ZRANB1: variants seen among roughly 807,000 people sequenced by gnomAD.
ZRANB1 encodes the protein ubiquitin thioesterase ZRANB1.
ZRANB1 carries 16 observed loss-of-function variants against 80.5 expected under a neutral mutation model. The ratio of observed to expected loss-of-function variants is 0.20; its 90% confidence interval spans 0.13 to 0.30. The LOEUF is 0.30. Among genes scored for constraint, ZRANB1 ranks in the 10% least tolerant of loss-of-function variants. The pLI is 1.00. For missense variants in ZRANB1, 576 were observed against 862.6 expected, an observed-to-expected ratio of 0.67 and a Z score of 4.16; for synonymous variants, 291 against 293.1, an observed-to-expected ratio of 0.99 and a Z score of 0.07.
rs773324540 is a variant in ZRANB1, at chr10:124,986,281, G to GCACACACACACACACACACA, written c.*1290_*1291insACACACACACACACACACAC. The GCACACACACACACACACACA allele has an allele frequency of 1.1e-4, 11 of 102,842 alleles. No individual in the cohort carries two copies. Among genetic ancestry groups the GCACACACACACACACACACA allele is most frequent in the East Asian group, 6.4e-4 (2 of 3,118 alleles). 6.4% of individuals were successfully genotyped at this position (102,842 alleles called of 1,614,324 possible). On this transcript the variant is annotated 3_prime_UTR_variant, in exon 9 of 9. Coordinates refer to ENST00000359653, the MANE Select transcript of ZRANB1 (RefSeq NM_017580.3). ...GAATTTGGAAAGACGACACACGCAC[G>GCACACACACACACACACACA]CGCGCGCGCGCACACACACACACAC...
At chr10:124,947,049 AGTT>A (rs1951591649) in intron 1 of ZRANB1, among the ~76,000 whole-genome samples, 2 of 152,236 alleles carry the variant, frequency 1.3e-5, no homozygotes, top group Non-Finnish European at 2.9e-5. Flanking sequence ...AGGAAGATTC[AGTT>A]GTTGAGAGGG....
chr10:124,922,337 T>TATATATATA, the ZRANB1 span, among the ~76,000 whole-genome samples: 17 of 34,776 alleles, frequency 4.9e-4, no homozygotes, highest in African/African-American at 9.9e-4. Context: ...TATATATATA[T>TATATATATA]TTTTTTTTTA....
intron 4 of ZRANB1, 46 bp downstream of exon 4, chr10:124,973,762 G>A (rs1951848450): frequency 1.3e-6 from 2 of 1,563,414 alleles, no homozygotes; most frequent in Non-Finnish European, 1.7e-6. Flanking sequence ...ATCTGATCAA[G>A]TAAGTTTTGT....
chr10:124,958,239 G>A (rs1181731328), intron 1 of ZRANB1, among the ~76,000 whole-genome samples: 1 of 152,158 alleles, frequency 6.6e-6, no homozygotes, highest in African/African-American at 2.4e-5. Context: ...GCAACGTAGC[G>A]GGACCTCTTC....
rs538304647 is a variant in ZRANB1 at position 124,987,483 on chromosome 10, A to ACTT, written c.*2496_*2498dup. On this transcript the variant is annotated 3_prime_UTR_variant, in exon 9 of 9. Coordinates refer to ENST00000359653, the MANE Select transcript of ZRANB1 (RefSeq NM_017580.3). ...GACTCTTAGGTTCATCGTGTCCCAG[A>ACTT]CTTCTTCACATATTCGTGAAGGTAA... 2.0e-5 allele frequency: 3 copies of ACTT among 152,138 alleles called. No homozygotes were observed. Among genetic ancestry groups the ACTT allele is most frequent in the Admixed American group, 6.5e-5 (1 of 15,282 alleles). The allele number at this position is 152,138 out of a possible 1,614,324, so 9.4% of individuals were successfully genotyped here.
chr10:124,929,506 T>C, the ZRANB1 span, among the ~76,000 whole-genome samples: 1 of 151,726 alleles, frequency 6.6e-6, no homozygotes, highest in South Asian at 2.1e-4. Flanking sequence ...TGGCTAATTT[T>C]TTTTTGTCTT....
chr10:124,987,833 A>T lies in ZRANB1; in HGVS notation c.*2841A>T, dbSNP rs994561104. ...TTTCATACCTGGAATTGTTGGACTTAATTGACACTTGCAAATACTTTTAGT... is the reference window on the plus strand; with the variant it reads ...TTTCATACCTGGAATTGTTGGACTTTATTGACACTTGCAAATACTTTTAGT... On this transcript the variant is annotated 3_prime_UTR_variant, in exon 9 of 9. Coordinates refer to ENST00000359653, the MANE Select transcript of ZRANB1 (RefSeq NM_017580.3). The T allele has an allele frequency of 6.6e-6, 1 of 152,232 alleles. No individual in the cohort carries two copies. Among genetic ancestry groups the T allele is most frequent in the African/African-American group, 2.4e-5 (1 of 41,458 alleles). The allele number at this position is 152,232 out of a possible 1,614,324, so 9.4% of individuals were successfully genotyped here.
chr10:124,984,502 C>T (rs1465271261), intron 8 of ZRANB1: 1 of 401,074 alleles, frequency 2.5e-6, no homozygotes, highest in Non-Finnish European at 4.4e-6. Flanking sequence ...TTTATTAGGA[C>T]ATTTGTTTTT....
At chr10:124,938,876 A>T (rs1196672055), upstream of ZRANB1, among the ~76,000 whole-genome samples, 1 of 151,812 alleles carries the variant, frequency 6.6e-6, no homozygotes, top group South Asian at 2.1e-4. Context: ...CTGGCTAATT[A>T]AAAAAAAGTT....
In ZRANB1 at chr10:124,967,543, G is replaced by T. The variant is rs143704543; in HGVS notation, c.1002+762G>T. Among the ~76,000 whole-genome samples, 966 of 152,312 alleles carry T rather than the reference G, an allele frequency of 6.3e-3. 29 individuals carry two copies. The highest frequency in any genetic ancestry group is 0.054 in the Admixed American group (828 of 15,300). ...AGGCACTGGATGGTGTTAGGTATGG[G>T]CGCAGGGGAGTGAGCAGAGCAGATT... On this transcript the variant is annotated intron_variant, in intron 2 of 8. Transcript: ENST00000359653.
At position 124,942,970 on chromosome 10, in the gene ZRANB1, A is replaced by C. The variant is rs773667730; in HGVS notation, c.477A>C (p.Thr159=). 8 of 1,614,140 alleles carry C rather than the reference A, an allele frequency of 5.0e-6. No individual in the cohort carries two copies. In the African/African-American group the frequency reaches 1.1e-4, roughly 22 times the overall value. Residue 159 remains threonine, a synonymous_variant, in exon 1 of 9, where the codon ACA becomes ACC. Transcript: ENST00000359653. The stretch of plus-strand genomic sequence containing the variant: ...AGCACTGGACTTGCTCTGTTTGCAC[A>C]TATGAAAACTGGGCCAAGGCTAAAA... The part of the protein sequence containing the change: ...RTQHWTCSVC[T]YENWAKAKRC...
intron 8 of ZRANB1, chr10:124,984,490 A>C (rs1469293705): frequency 2.0e-5 from 7 of 348,296 alleles, no homozygotes; most frequent in Non-Finnish European, 3.1e-5. Flanking sequence ...TGCCAGGATC[A>C]GTTTATTAGG....
upstream of ZRANB1, among the ~76,000 whole-genome samples, chr10:124,937,620 A>G (rs1442887134): frequency 2.0e-5 from 3 of 152,240 alleles, no homozygotes; most frequent in African/African-American, 7.2e-5. Context: ...AATGCTTCAC[A>G]AATATTAAAC....
intron 8 of ZRANB1, chr10:124,984,413 G>A (rs934655683): frequency 5.1e-6 from 1 of 195,930 alleles, no homozygotes; most frequent in African/African-American, 2.3e-5. Context: ...ACCGTAACTT[G>A]TATAATTTCA....
intron 1 of ZRANB1, among the ~76,000 whole-genome samples, chr10:124,955,304 C>T (rs560000260): frequency 4.6e-5 from 7 of 151,360 alleles, no homozygotes; most frequent in African/African-American, 7.3e-5. Flanking sequence ...GGTATAATCT[C>T]GGCTCACTGC....
the ZRANB1 span, among the ~76,000 whole-genome samples, chr10:124,920,393 C>T: frequency 3.5e-4 from 53 of 152,288 alleles, no homozygotes; most frequent in Admixed American, 9.2e-4. Flanking sequence ...AACACTCTTA[C>T]CTCCTCACAT....
Position 124,985,085 on chromosome 10 carries a change from TGAACCAAATCTGGCAG to T in ZRANB1, c.*96_*111del. 9.8e-7 allele frequency: 1 copy of T among 1,021,378 alleles called. No individual in the cohort carries two copies. The highest frequency in any genetic ancestry group is 2.2e-5 in the Admixed American group (1 of 44,644). 63.3% of individuals were successfully genotyped at this position (1,021,378 alleles called of 1,614,324 possible). The stretch of plus-strand genomic sequence containing the variant: ...TCCAAGCAGAGTCGACATCATGGAA[TGAACCAAATCTGGCAG>T]GATCTGCTCGGGGAAGTGTTTTCCT... On this transcript the variant is annotated 3_prime_UTR_variant, in exon 9 of 9. Transcript: ENST00000359653.
rs199544639 is a variant in ZRANB1 at position 124,962,420 on chromosome 10, C to CT, written c.815-4165dup. The CT allele has an allele frequency of 8.3e-3, 8,060 of 976,426 alleles. 29 individuals carry two copies. Among genetic ancestry groups the CT allele is most frequent in the Non-Finnish European group, 8.6e-3 (7,049 of 822,244 alleles). The allele number at this position is 976,426 out of a possible 1,614,324, so 60.5% of individuals were successfully genotyped here. A position where few individuals can be genotyped will look rare whatever the true frequency, so the allele number is the denominator to read the frequency against. On this transcript the variant is annotated intron_variant, in intron 1 of 8. Coordinates refer to ENST00000359653, the MANE Select transcript of ZRANB1 (RefSeq NM_017580.3). Reference sequence around the variant, plus strand: ...CCATGTGGGCTCAGGTAAGTCCTGGCTTTTTTTTTACCATTTGGCATTCTT... The same window carrying CT: ...CCATGTGGGCTCAGGTAAGTCCTGGCTTTTTTTTTTACCATTTGGCATTCTT...
At chr10:124,956,281 C>G (rs1365465458) in intron 1 of ZRANB1, among the ~76,000 whole-genome samples, 2 of 152,004 alleles carry the variant, frequency 1.3e-5, no homozygotes, top group African/African-American at 2.4e-5. Context: ...TGTTTTGACT[C>G]TAGAGAATTG....
Sources: allele counts gnomAD v4.1 joint callset (sites outside exome capture counted in the v4.1 genomes callset), GRCh38; gene constraint gnomAD v4.1.1; transcripts MANE v1.5; gene names NCBI Gene and HGNC (gene_info 2026-07-23, HGNC 2026-07-21).